The following CARHSP1 variants were observed in gnomAD, a reference collection of about 807,000 sequenced individuals.
CARHSP1 encodes the protein calcium-regulated heat-stable protein 1.
In CARHSP1, 14 loss-of-function variants were observed where a neutral mutation model predicts 12.5. The observed-to-expected ratio is 1.12, with a 90% confidence interval of 0.74 to 1.75. CARHSP1 has a LOEUF of 1.75. CARHSP1 is among the 40% of genes most tolerant of loss of function. The pLI is 0.00. For missense variants in CARHSP1, 343 were observed against 201.6 expected (o/e 1.70, Z -4.25); for synonymous variants, 161 against 82.0 (o/e 1.96, Z -5.20).
In CARHSP1 at chr16:8,857,263, G is replaced by GTTTTTGTTTTTTGTTTTTTTTT. The variant is rs2061150279; in HGVS notation, c.281+1086_281+1087insAAAAAAAAACAAAAAACAAAAA. 3.5e-5 allele frequency among the ~76,000 whole-genome samples: 2 copies of GTTTTTGTTTTTTGTTTTTTTTT among 57,006 alleles called. 1 individual carries two copies. Among genetic ancestry groups the GTTTTTGTTTTTTGTTTTTTTTT allele is most frequent in the East Asian group, 1.8e-3 (2 of 1,130 alleles). 37.4% of individuals were successfully genotyped at this position (57,006 alleles called of 152,430 possible). A position where few individuals can be genotyped will look rare whatever the true frequency, so the allele number is the denominator to read the frequency against. On this transcript the variant is annotated intron_variant, in intron 3 of 3. Transcript: ENST00000311052. ...TGGCTATGTGATCTTGGGCAGATCT[G>GTTTTTGTTTTTTGTTTTTTTTT]TTTTTTTTTTTTTTTTTTTTTTTTT...
chr16:8,858,495 A>C, intron 2 of CARHSP1, 23 bp from the exon 3 acceptor site: 1 of 1,611,508 alleles, frequency 6.2e-7, no homozygotes, highest in Non-Finnish European at 8.5e-7. Context: ...GGGAAATGTC[A>C]GGGGCCCCAT....
At chr16:8,862,089 A>T (rs1327430583) in intron 1 of CARHSP1, among the ~76,000 whole-genome samples, 2 of 137,380 alleles carry the variant, frequency 1.5e-5, no homozygotes, top group African/African-American at 5.5e-5. Flanking sequence ...TGCAACCTCC[A>T]CCTTCTGGGT....
intron 1 of CARHSP1, among the ~76,000 whole-genome samples, chr16:8,865,028 T>C: frequency 6.6e-6 from 1 of 152,224 alleles, no homozygotes; most frequent in East Asian, 1.9e-4. Flanking sequence ...CAAGCAGCCC[T>C]GTGCTTACTG....
At chr16:8,856,103 C>T (rs934246499) in intron 3 of CARHSP1, among the ~76,000 whole-genome samples, 1 of 152,226 alleles carries the variant, frequency 6.6e-6, no homozygotes, top group Non-Finnish European at 1.5e-5. Context: ...GCCACCACGC[C>T]TGGACTCCCG....
chr16:8,860,283 A>G (rs2061310487), intron 1 of CARHSP1: 1 of 983,712 alleles, frequency 1.0e-6, no homozygotes, highest in South Asian at 4.7e-5. Context: ...AGGCCCAGTG[A>G]ATTTCCACAC....
At chr16:8,856,132 C>G (rs2061096856) in intron 3 of CARHSP1, among the ~76,000 whole-genome samples, 1 of 152,136 alleles carries the variant, frequency 6.6e-6, no homozygotes. Context: ...TCAAGAAGGT[C>G]CCTTTGGTGC....
rs968208887 is a variant in CARHSP1, at chr16:8,855,009, C to T, written c.*155G>A. ...GCCGGGAACACCCCACACCCCACAC[C>T]TGCCCCCCATACCCCTTCCTCCAGG... is the stretch of plus-strand genomic sequence containing the variant. On this transcript the variant is annotated 3_prime_UTR_variant, in exon 4 of 4. Coordinates refer to ENST00000311052, the MANE Select transcript of CARHSP1 (RefSeq NM_014316.4). 5.6e-6 allele frequency: 3 copies of T among 539,482 alleles called. No individual in the cohort carries two copies. The highest frequency in any genetic ancestry group is 9.1e-6 in the Non-Finnish European group (3 of 328,148). 33.4% of individuals were successfully genotyped at this position (539,482 alleles called of 1,614,324 possible). A position where few individuals can be genotyped will look rare whatever the true frequency, so the allele number is the denominator to read the frequency against.
chr16:8,863,579 G>C (rs1455302444), intron 1 of CARHSP1, among the ~76,000 whole-genome samples: 1 of 152,184 alleles, frequency 6.6e-6, no homozygotes, highest in Non-Finnish European at 1.5e-5. Flanking sequence ...AGGGGCGGGG[G>C]CAGTGCCAAC....
intron 3 of CARHSP1, among the ~76,000 whole-genome samples, chr16:8,856,275 G>A (rs1372552172): frequency 3.9e-5 from 6 of 152,050 alleles, no homozygotes; most frequent in Non-Finnish European, 8.8e-5. Context: ...CCCCCCCAGA[G>A]GAAAACCCCC....
chr16:8,862,444 C>T (rs935760306), intron 1 of CARHSP1, among the ~76,000 whole-genome samples: 1 of 152,156 alleles, frequency 6.6e-6, no homozygotes, highest in African/African-American at 2.4e-5. Flanking sequence ...ATACCGAGCC[C>T]TGTTCAAGGC....
chr16:8,861,620 G>A (rs1160255567), intron 1 of CARHSP1: 2 of 1,288,984 alleles, frequency 1.6e-6, no homozygotes, highest in African/African-American at 1.5e-5. Flanking sequence ...CTGTCGGGCT[G>A]GGAAGCTGGT....
intron 1 of CARHSP1, chr16:8,860,335 T>C (rs988710502): frequency 5.5e-5 from 54 of 985,282 alleles, no homozygotes; most frequent in Non-Finnish European, 6.3e-5. Flanking sequence ...ATTCCTTCTG[T>C]GACCCCTAGT....
rs2061033164 is a variant in CARHSP1 at position 8,854,457 on chromosome 16, A to C, written c.*707T>G. 6.5e-6 allele frequency: 1 copy of C among 152,766 alleles called. No homozygotes were observed. The highest frequency in any genetic ancestry group is 3.4e-3 in the Middle Eastern group (1 of 294). 9.5% of individuals were successfully genotyped at this position (152,766 alleles called of 1,614,324 possible). Reference sequence around the variant, plus strand: ...AAGGCAGATGAAAAGGTCAGGCTCTAAGAGGGGTTCAGCCTCCCAGTACCA... The same window carrying C: ...AAGGCAGATGAAAAGGTCAGGCTCTCAGAGGGGTTCAGCCTCCCAGTACCA... On this transcript the variant is annotated 3_prime_UTR_variant, in exon 4 of 4. Transcript: ENST00000311052.
At chr16:8,866,183 G>A (rs964052571) in intron 1 of CARHSP1, among the ~76,000 whole-genome samples, 1 of 152,128 alleles carries the variant, frequency 6.6e-6, no homozygotes, top group Non-Finnish European at 1.5e-5. Flanking sequence ...CGACCTCCCA[G>A]GCTCAAGAGA....
intron 1 of CARHSP1, chr16:8,866,515 A>G: frequency 1.0e-6 from 1 of 977,312 alleles, no homozygotes; most frequent in Non-Finnish European, 1.2e-6. Context: ...GCCTGGGAGA[A>G]CTGCCGGCAC....
rs984562956 is a variant in CARHSP1, at chr16:8,853,598, T to A, written c.*1566A>T. On this transcript the variant is annotated 3_prime_UTR_variant, in exon 4 of 4. Coordinates refer to ENST00000311052, the MANE Select transcript of CARHSP1 (RefSeq NM_014316.4). ...GCTGTTCATGCTTCCAGCATCAAAC[T>A]GGACGTTTACTGTCTGCCCAAAAGC... is the stretch of plus-strand genomic sequence containing the variant. 2.6e-5 allele frequency: 4 copies of A among 152,266 alleles called. No individual in the cohort carries two copies. Among genetic ancestry groups the A allele is most frequent in the African/African-American group, 9.6e-5 (4 of 41,470 alleles). 9.4% of individuals were successfully genotyped at this position (152,266 alleles called of 1,614,324 possible).
At chr16:8,857,259 ATC>A (rs1196617919) in intron 3 of CARHSP1, among the ~76,000 whole-genome samples, 2 of 63,156 alleles carry the variant, frequency 3.2e-5, no homozygotes, top group Non-Finnish European at 6.0e-5. Context: ...TCTTGGGCAG[ATC>A]TGTTTTTTTT....
chr16:8,866,222 G>A (rs1423158118), intron 1 of CARHSP1, among the ~76,000 whole-genome samples: 1 of 152,172 alleles, frequency 6.6e-6, no homozygotes, highest in African/African-American at 2.4e-5. Context: ...CCAAAGTGCT[G>A]GGATTACAGG....
At chr16:8,860,699 G>C (rs2061327038) in intron 1 of CARHSP1, among the ~76,000 whole-genome samples, 1 of 152,062 alleles carries the variant, frequency 6.6e-6, no homozygotes, top group East Asian at 1.9e-4. Context: ...ACAGCCGGGA[G>C]GGACAGCAGC....
Sources: allele counts gnomAD v4.1 joint callset (sites outside exome capture counted in the v4.1 genomes callset), GRCh38; gene constraint gnomAD v4.1.1; transcripts MANE v1.5; gene names NCBI Gene and HGNC (gene_info 2026-07-23, HGNC 2026-07-21).